The following MAP3K4 variants were observed in gnomAD, a reference collection of about 807,000 sequenced individuals.
The protein encoded by MAP3K4 is MAP three kinase 1.
MAP3K4 carries 67 observed loss-of-function variants against 185.6 expected under a neutral mutation model. That is an observed-to-expected ratio of 0.36 (90% CI 0.30 to 0.44). MAP3K4 has a LOEUF of 0.44. MAP3K4 is among the 20% of genes least tolerant of loss of function. MAP3K4 has a pLI of 1.00. For synonymous variants in MAP3K4, 702 were observed against 710.4 expected (o/e 0.99, Z 0.19); for missense variants, 1,551 against 1,995.1 (o/e 0.78, Z 4.24).
At chr6:161,000,730 TAC>T (rs894001793) in intron 1 of MAP3K4, among the ~76,000 whole-genome samples, 3 of 151,340 alleles carry the variant, frequency 2.0e-5, no homozygotes, top group Non-Finnish European at 4.4e-5. Context: ...TACACACACA[TAC>T]ACACACATAT....
At chr6:161,045,304 C>A (rs752518330) in intron 2 of MAP3K4, among the ~76,000 whole-genome samples, 4 of 152,068 alleles carry the variant, frequency 2.6e-5, no homozygotes, top group Non-Finnish European at 5.9e-5. Context: ...TATGTAGGTC[C>A]AAATATTAAA....
chr6:161,093,181 A>AC lies in MAP3K4; in HGVS notation c.3348+125_3348+126insC. 3 of 637,552 alleles carry AC rather than the reference A, an allele frequency of 4.7e-6. No individual in the cohort carries two copies. Among genetic ancestry groups the AC allele is most frequent in the Non-Finnish European group, 8.1e-6 (3 of 371,458 alleles). The allele number at this position is 637,552 out of a possible 1,614,324, so 39.5% of individuals were successfully genotyped here. On this transcript the variant is annotated intron_variant, in intron 14 of 26. Transcript: ENST00000392142. The surrounding 1 kb of genome is among the most constrained non-coding windows in gnomAD (Gnocchi z 5.2). ...AGATATTAATCTCAGCATATCATGT[A>AC]ATGATAATGCTGAGAAATTAAAGTA...
At position 161,111,822 on chromosome 6, in the gene MAP3K4, TC is replaced by T; in HGVS notation, c.4397-13del. ...TTTCAGAGGCTGCGTAACAACTACT[TC>T]TTTTCTTTTTAGGTGCCAATATCTT... On this transcript the variant is annotated splice_polypyrimidine_tract_variant and intron_variant, in intron 23 of 26. Coordinates refer to ENST00000392142, the MANE Select transcript of MAP3K4 (RefSeq NM_005922.4). The T allele has an allele frequency of 6.7e-7, 1 of 1,498,372 alleles. No individual in the cohort carries two copies. The highest frequency in any genetic ancestry group is 8.9e-7 in the Non-Finnish European group (1 of 1,128,508). 92.8% of individuals were successfully genotyped at this position (1,498,372 alleles called of 1,614,324 possible).
chr6:161,107,818 G>T lies in MAP3K4; in HGVS notation c.4049-81G>T. 1 of 899,646 alleles carries T rather than the reference G, an allele frequency of 1.1e-6. No individual in the cohort carries two copies. The highest frequency in any genetic ancestry group is 2.2e-4 in the Middle Eastern group (1 of 4,512). The allele number at this position is 899,646 out of a possible 1,614,324, so 55.7% of individuals were successfully genotyped here. A position where few individuals can be genotyped will look rare whatever the true frequency, so the allele number is the denominator to read the frequency against. On this transcript the variant is annotated intron_variant, in intron 20 of 26. Coordinates refer to ENST00000392142, the MANE Select transcript of MAP3K4 (RefSeq NM_005922.4). This position sits in a 1 kb window ranked among gnomAD's most constrained non-coding sequence, Gnocchi z 6.2. Reference sequence around the variant, plus strand: ...TATAAATATACGTCCAAAATAATTGGACAGTATTATTACAAGTTTAAGGAA... The same window carrying T: ...TATAAATATACGTCCAAAATAATTGTACAGTATTATTACAAGTTTAAGGAA...
intron 2 of MAP3K4, among the ~76,000 whole-genome samples, chr6:161,036,742 G>A (rs551930792): frequency 6.6e-6 from 1 of 152,288 alleles, no homozygotes; most frequent in African/African-American, 2.4e-5. Context: ...ATAACCCAGT[G>A]AGGTGTTGGT....
At chr6:161,004,341 A>C (rs925429788) in intron 1 of MAP3K4, among the ~76,000 whole-genome samples, 1 of 152,228 alleles carries the variant, frequency 6.6e-6, no homozygotes, top group Admixed American at 6.5e-5. Context: ...GAGCACTGAC[A>C]ATTTTCTGTT....
rs534484560 is a variant in MAP3K4 at position 161,090,137 on chromosome 6, T to C, written c.2973+666T>C. 2.0e-5 allele frequency among the ~76,000 whole-genome samples: 3 copies of C among 152,368 alleles called. No individual in the cohort carries two copies. The South Asian group carries it at 6.2e-4, about 32-fold the overall frequency. On this transcript the variant is annotated intron_variant, in intron 11 of 26. Transcript: ENST00000392142. ...TTACAAGTCATTTCGTAAACACTTG[T>C]TTTTCTTCTGTTGGTCTGATTTGTC...
chr6:161,045,994 T>G (rs1783713888), intron 2 of MAP3K4, among the ~76,000 whole-genome samples: 1 of 152,190 alleles, frequency 6.6e-6, no homozygotes. Flanking sequence ...CTGTACATAC[T>G]AATAATTTCC....
At chr6:161,092,575 A>G (rs1443211434) in intron 13 of MAP3K4, among the ~76,000 whole-genome samples, 2 of 152,166 alleles carry the variant, frequency 1.3e-5, no homozygotes. Context: ...TGTAATTTGT[A>G]ATGGAGGGAT....
At chr6:161,028,809 G>C (rs1312188598) in intron 1 of MAP3K4, among the ~76,000 whole-genome samples, 2 of 152,178 alleles carry the variant, frequency 1.3e-5, no homozygotes, top group Non-Finnish European at 2.9e-5. Flanking sequence ...GTACATGTTG[G>C]ATAAGCTCGA....
intron 2 of MAP3K4, among the ~76,000 whole-genome samples, chr6:161,047,841 A>G (rs990253366): frequency 3.9e-5 from 6 of 152,230 alleles, no homozygotes; most frequent in Non-Finnish European, 8.8e-5. Flanking sequence ...GCTTGGAATC[A>G]GATTATAGAA....
At chr6:161,009,889 C>T (rs1781767809) in intron 1 of MAP3K4, among the ~76,000 whole-genome samples, 2 of 152,010 alleles carry the variant, frequency 1.3e-5, no homozygotes, top group South Asian at 4.2e-4. Context: ...GGGAAGAGCA[C>T]TAGGGAATAG....
intron 1 of MAP3K4, chr6:160,992,346 C>T: frequency 2.0e-6 from 1 of 505,542 alleles, no homozygotes; most frequent in Admixed American, 4.1e-5. Context: ...TAGACTCCCC[C>T]AGCTCACCCT....
At chr6:161,000,528 C>G (rs1781218037) in intron 1 of MAP3K4, among the ~76,000 whole-genome samples, 1 of 152,156 alleles carries the variant, frequency 6.6e-6, no homozygotes, top group Admixed American at 6.5e-5. Flanking sequence ...TTGTAAAGAT[C>G]AGTTTAAAAT....
chr6:161,093,372 C>G lies in MAP3K4; in HGVS notation c.3348+316C>G, dbSNP rs1316020214. Among the ~76,000 whole-genome samples, 1 of 152,108 alleles carries G rather than the reference C, an allele frequency of 6.6e-6. No individual in the cohort carries two copies. Among genetic ancestry groups the G allele is most frequent in the Admixed American group, 6.5e-5 (1 of 15,272 alleles). The stretch of plus-strand genomic sequence containing the variant: ...GCAGAACAAGGATTAGCTCTTTTAC[C>G]TCAGTGTGCATCATTTTGAGAGCAT... On this transcript the variant is annotated intron_variant, in intron 14 of 26. Coordinates refer to ENST00000392142, the MANE Select transcript of MAP3K4 (RefSeq NM_005922.4). The surrounding 1 kb of genome is among the most constrained non-coding windows in gnomAD (Gnocchi z 5.2).
chr6:161,092,964 T>C lies in MAP3K4; in HGVS notation c.3270-14T>C, dbSNP rs1192299614. On this transcript the variant is annotated splice_polypyrimidine_tract_variant and intron_variant, in intron 13 of 26. Coordinates refer to ENST00000392142, the MANE Select transcript of MAP3K4 (RefSeq NM_005922.4). ...TTGGTTGTTATGTGATTACTGAACT[T>C]TTTCGTGTACCAGGTGGGCGACTCA... is the stretch of plus-strand genomic sequence containing the variant. The C allele has an allele frequency of 5.6e-6, 9 of 1,594,984 alleles. No homozygotes were observed. The highest frequency in any genetic ancestry group is 7.7e-6 in the Non-Finnish European group (9 of 1,162,984).
intron 1 of MAP3K4, among the ~76,000 whole-genome samples, chr6:161,031,945 T>C (rs1562493041): frequency 6.6e-6 from 1 of 152,188 alleles, no homozygotes; most frequent in Non-Finnish European, 1.5e-5. Context: ...GTATCTGACT[T>C]CATTTTTCTA....
In MAP3K4 at chr6:161,089,345, C is replaced by T; in HGVS notation, c.2847C>T (p.Val949=). The T allele has an allele frequency of 6.2e-7, 1 of 1,613,996 alleles. No individual in the cohort carries two copies. The highest frequency in any genetic ancestry group is 8.5e-7 in the Non-Finnish European group (1 of 1,180,012). Residue 949 remains valine, a synonymous_variant, in exon 11 of 27, where the codon GTC becomes GTT. Transcript: ENST00000392142. ...SMQVDNLLLV[V]MQSAHLTIQR... ...AGGTGGATAATCTTTTACTAGTTGT[C>T]ATGCAGTCTGCGCATCTCACAATTC...
chr6:161,002,071 T>C lies in MAP3K4; in HGVS notation c.152+9988T>C, dbSNP rs1458304590. Among the ~76,000 whole-genome samples, 13 of 150,858 alleles carry C rather than the reference T, an allele frequency of 8.6e-5. No homozygotes were observed. The South Asian group carries it at 1.5e-3, about 17-fold the overall frequency. On this transcript the variant is annotated intron_variant, in intron 1 of 26. Coordinates refer to ENST00000392142, the MANE Select transcript of MAP3K4 (RefSeq NM_005922.4). ...AAAGGTTTTTTTTTTTTTTTTTTTT[T>C]GGATCTAGCTTTTCCAGATTCTCTC...
Sources: allele counts gnomAD v4.1 joint callset (sites outside exome capture counted in the v4.1 genomes callset), GRCh38; gene constraint gnomAD v4.1.1; non-coding constraint Gnocchi (gnomAD v3.1); transcripts MANE v1.5; gene names NCBI Gene and HGNC (gene_info 2026-07-23, HGNC 2026-07-21).